Variants in DCAF5 observed in about 807,000 individuals in gnomAD.
DCAF5 encodes the protein DDB1- and CUL4-associated factor 5.
A neutral mutation model predicts 80.7 loss-of-function variants in DCAF5; 9 were observed. That is an observed-to-expected ratio of 0.11 (90% CI 0.07 to 0.19). The LOEUF is 0.19. DCAF5 is among the 10% of genes least tolerant of loss of function. The pLI is 1.00. For synonymous variants in DCAF5, 433 were observed against 461.9 expected, an observed-to-expected ratio of 0.94 and a Z score of 0.80; for missense variants, 842 against 1,205.7, an observed-to-expected ratio of 0.70 and a Z score of 4.47.
chr14:69,061,857 A>T (rs2038228423), intron 8 of DCAF5, among the ~76,000 whole-genome samples: 1 of 152,114 alleles, frequency 6.6e-6, no homozygotes, highest in South Asian at 2.1e-4. Context: ...TGATTAGTTT[A>T]AAAAAATGGT....
chr14:69,111,462 T>A (rs1245237692), intron 5 of DCAF5, among the ~76,000 whole-genome samples: 2 of 152,142 alleles, frequency 1.3e-5, no homozygotes, highest in Non-Finnish European at 2.9e-5. Context: ...ACCACTCTCT[T>A]TATTATCCTT....
intron 7 of DCAF5, among the ~76,000 whole-genome samples, chr14:69,074,548 A>T (rs2038826831): frequency 1.3e-5 from 2 of 152,148 alleles, no homozygotes; most frequent in Admixed American, 6.5e-5. Context: ...ATTTCTTCCT[A>T]ATTTCTTTGA....
At chr14:69,119,490 TA>T (rs947164180) in intron 2 of DCAF5, among the ~76,000 whole-genome samples, 76 of 139,678 alleles carry the variant, frequency 5.4e-4, no homozygotes, top group East Asian at 4.4e-3. Context: ...GTGGATGATG[TA>T]AAAAAAAAAA....
chr14:69,064,619 C>A (rs1188397680), intron 7 of DCAF5, among the ~76,000 whole-genome samples: 2 of 152,188 alleles, frequency 1.3e-5, no homozygotes, highest in African/African-American at 4.8e-5. Context: ...ATTTCTAAAT[C>A]TTTCAGGCAG....
intron 8 of DCAF5, among the ~76,000 whole-genome samples, chr14:69,060,514 A>T (rs1352575494): frequency 6.6e-6 from 1 of 151,662 alleles, no homozygotes; most frequent in Non-Finnish European, 1.5e-5. Flanking sequence ...AAAAATACTG[A>T]CCTACATGCC....
chr14:69,147,801 ATATT>A (rs1316272216), intron 1 of DCAF5, among the ~76,000 whole-genome samples: 1 of 152,212 alleles, frequency 6.6e-6, no homozygotes, highest in East Asian at 1.9e-4. Flanking sequence ...TACTTTTCCT[ATATT>A]TAGTCATAAG....
At chr14:69,069,098 T>C (rs55975366) in intron 7 of DCAF5, among the ~76,000 whole-genome samples, 8,144 of 152,182 alleles carry the variant, frequency 0.054, 324 homozygotes, top group Non-Finnish European at 0.084. Flanking sequence ...TCCAGTTACA[T>C]GGGAGGAAAA....
chr14:69,089,807 A>G (rs952975383), intron 6 of DCAF5: 3 of 499,052 alleles, frequency 6.0e-6, no homozygotes, highest in African/African-American at 4.2e-5. Context: ...ACTTAGGATG[A>G]TATTACCGGC....
intron 1 of DCAF5, among the ~76,000 whole-genome samples, chr14:69,126,152 ATTC>A (rs2040865979): frequency 6.7e-6 from 1 of 149,250 alleles, no homozygotes; most frequent in Non-Finnish European, 1.5e-5. Flanking sequence ...ATAGACAGAG[ATTC>A]TTTTTTTTTT....
At chr14:69,072,382 T>C (rs191839324) in intron 7 of DCAF5, among the ~76,000 whole-genome samples, 1 of 151,480 alleles carries the variant, frequency 6.6e-6, no homozygotes, top group East Asian at 1.9e-4. Context: ...ATTACAAAAA[T>C]AGTGGAGGTA....
intron 6 of DCAF5, among the ~76,000 whole-genome samples, chr14:69,077,773 C>T (rs919462815): frequency 1.3e-5 from 2 of 152,204 alleles, no homozygotes; most frequent in East Asian, 3.8e-4. Flanking sequence ...TCCTGCCTAA[C>T]ATAAATTACT....
chr14:69,151,704 C>A (rs1465908599), intron 1 of DCAF5, among the ~76,000 whole-genome samples: 2 of 152,084 alleles, frequency 1.3e-5, no homozygotes, highest in African/African-American at 4.8e-5. Context: ...GAGGGGACGA[C>A]GGCGGCGAGC....
chr14:69,111,577 G>C (rs961704761), intron 5 of DCAF5, among the ~76,000 whole-genome samples: 2 of 152,130 alleles, frequency 1.3e-5, no homozygotes, highest in Non-Finnish European at 1.5e-5. Context: ...GCTAAAACCG[G>C]CAATGAAAAG....
intron 1 of DCAF5, chr14:69,149,571 A>G (rs963637927): frequency 1.2e-4 from 18 of 152,238 alleles, no homozygotes; most frequent in African/African-American, 4.1e-4. Context: ...AATCATGCAA[A>G]TATTATTTCT....
At chr14:69,058,537 C>CATATAT (rs60478675) in intron 8 of DCAF5, among the ~76,000 whole-genome samples, 5 of 148,606 alleles carry the variant, frequency 3.4e-5, no homozygotes, top group South Asian at 2.1e-4. Flanking sequence ...AAAAAAAATA[C>CATATAT]ATATATATAT....
At chr14:69,096,809 G>C (rs1411456144) in intron 5 of DCAF5, among the ~76,000 whole-genome samples, 2 of 152,170 alleles carry the variant, frequency 1.3e-5, no homozygotes, top group Non-Finnish European at 1.5e-5. Flanking sequence ...CTACCCAAAA[G>C]CTGGTGAAAT....
At chr14:69,077,020 A>C (rs1441650262) in intron 6 of DCAF5, among the ~76,000 whole-genome samples, 1 of 152,106 alleles carries the variant, frequency 6.6e-6, no homozygotes, top group African/African-American at 2.4e-5. Flanking sequence ...TGCCAGATCT[A>C]CTCTAATGTG....
At chr14:69,074,802 G>A (rs1200996764) in intron 7 of DCAF5, among the ~76,000 whole-genome samples, 1 of 152,204 alleles carries the variant, frequency 6.6e-6, no homozygotes, top group African/African-American at 2.4e-5. Flanking sequence ...GGGAGGCTGA[G>A]GAGGGGAGAT....
intron 1 of DCAF5, among the ~76,000 whole-genome samples, chr14:69,131,911 A>T (rs1454514126): frequency 6.6e-6 from 1 of 152,070 alleles, no homozygotes; most frequent in Non-Finnish European, 1.5e-5. Flanking sequence ...CTCCCCCTAG[A>T]CACCATTCAC....
Sources: gnomAD v4.1 joint callset for allele counts (sites outside exome capture counted in the v4.1 genomes callset) on GRCh38, gnomAD v4.1.1 for gene constraint, MANE v1.5 for transcripts, NCBI Gene and HGNC (gene_info 2026-07-23, HGNC 2026-07-21) for gene names.